Variants in UBE3C observed in about 807,000 individuals in gnomAD.
UBE3C encodes ubiquitin-protein ligase E3C.
In UBE3C, 42 loss-of-function variants were observed where a neutral mutation model predicts 129.4. The ratio of observed to expected loss-of-function variants is 0.32; its 90% CI spans 0.25 to 0.42. The LOEUF (loss-of-function observed/expected upper bound fraction) is 0.42. Ranked by LOEUF, UBE3C falls within the 10% of genes least tolerant of loss-of-function variation. The probability of loss-of-function intolerance (pLI) is 1.00; values close to 1 mark genes in which losing one functional copy is unlikely to be tolerated. For synonymous variants in UBE3C, 510 were observed against 492.4 expected (o/e 1.04, Z -0.47); for missense variants, 1,049 against 1,319.1 (o/e 0.80, Z 3.17).
At chr7:157,165,357 G>C (rs116190766) in intron 2 of UBE3C, among the ~76,000 whole-genome samples, 3,442 of 148,854 alleles carry the variant, frequency 0.023, 128 homozygotes, top group African/African-American at 0.081. Flanking sequence ...ATTTTCACCT[G>C]ACCTAATTTC....
At chr7:157,259,406 T>C (rs1181937053) in intron 22 of UBE3C, among the ~76,000 whole-genome samples, 1 of 152,182 alleles carries the variant, frequency 6.6e-6, no homozygotes, top group Non-Finnish European at 1.5e-5. Context: ...AGCCCCACCG[T>C]TGGGAGTGTA....
chr7:157,178,640 T>G (rs746320697), intron 5 of UBE3C, 50 bp from the exon 6 acceptor site: 7 of 1,573,198 alleles, frequency 4.4e-6, no homozygotes, highest in Non-Finnish European at 6.1e-6. Context: ...GGGAAACTGG[T>G]GACATTTTGC....
intron 10 of UBE3C, among the ~76,000 whole-genome samples, chr7:157,195,688 T>A (rs1809099443): frequency 6.6e-6 from 1 of 152,210 alleles, no homozygotes; most frequent in South Asian, 2.1e-4. Flanking sequence ...CACACCCAGA[T>A]CCTCTCCCAA....
intron 13 of UBE3C, 137 bp from the exon 14 acceptor site, chr7:157,216,730 G>A (rs1189698129): frequency 3.0e-6 from 2 of 667,558 alleles, no homozygotes; most frequent in African/African-American, 3.7e-5. Context: ...GCCCTTTTCT[G>A]TGAGCGGGTT....
At chr7:157,171,686 ATTTTTTTTT>A (rs77471740) in intron 4 of UBE3C, among the ~76,000 whole-genome samples, 711 of 37,434 alleles carry the variant, frequency 0.019, 8 homozygotes, top group Non-Finnish European at 0.029. Context: ...ATATATATAT[ATTTTTTTTT>A]TTTTTTTTTT....
intron 2 of UBE3C, chr7:157,164,630 G>T (rs1040650684): frequency 1.1e-5 from 4 of 353,700 alleles, no homozygotes; most frequent in East Asian, 1.5e-4. Flanking sequence ...ATCAGCAATT[G>T]TACTATCTTA....
intron 18 of UBE3C, among the ~76,000 whole-genome samples, chr7:157,236,630 A>G (rs1403173840): frequency 1.3e-5 from 2 of 152,208 alleles, no homozygotes; most frequent in Non-Finnish European, 2.9e-5. Context: ...CTGAGGCTTT[A>G]AACATCTAAA....
chr7:157,204,320 G>A (rs1427461471), intron 11 of UBE3C, among the ~76,000 whole-genome samples: 5 of 149,506 alleles, frequency 3.3e-5, no homozygotes, highest in Non-Finnish European at 5.9e-5. Context: ...TCAGGGGAGC[G>A]TGTTAAAATG....
intron 19 of UBE3C, 59 bp downstream of exon 19, chr7:157,248,639 G>A (rs1296051556): frequency 6.4e-6 from 10 of 1,551,370 alleles, no homozygotes; most frequent in African/African-American, 2.7e-5. Context: ...ATCTCCTTGT[G>A]TGTGGAAGTC....
rs187527729 is a variant in UBE3C, at chr7:157,218,804, C to A, written c.1914+1833C>A. Among the ~76,000 whole-genome samples the A allele has an allele frequency of 2.8e-3, 425 of 152,256 alleles. 1 individual carries two copies. The highest frequency in any genetic ancestry group is 5.9e-3 in the Admixed American group (91 of 15,296). On this transcript the variant is annotated intron_variant, in intron 14 of 22. Coordinates refer to ENST00000348165, the MANE Select transcript of UBE3C (RefSeq NM_014671.3). ...CTGGGAGACAGGGTTAGGAGCCTGT[C>A]TCTAGCTGGTCATGGGCAGAAACTT... is the stretch of plus-strand genomic sequence containing the variant.
chr7:157,246,970 A>G (rs1314894941), intron 18 of UBE3C, among the ~76,000 whole-genome samples: 1 of 152,192 alleles, frequency 6.6e-6, no homozygotes, highest in Non-Finnish European at 1.5e-5. Context: ...GGCTCACTGC[A>G]ACCTCCACCT....
At chr7:157,172,991 C>T (rs942377920) in intron 4 of UBE3C, among the ~76,000 whole-genome samples, 2 of 152,176 alleles carry the variant, frequency 1.3e-5, no homozygotes, top group East Asian at 3.8e-4. Flanking sequence ...GACTTTCGGC[C>T]TCGAGCAAAT....
At chr7:157,183,097 G>A (rs933523991) in intron 8 of UBE3C, among the ~76,000 whole-genome samples, 1 of 152,150 alleles carries the variant, frequency 6.6e-6, no homozygotes, top group Non-Finnish European at 1.5e-5. Flanking sequence ...TCTGTGAGCA[G>A]AAATGTGGGG....
At chr7:157,245,418 C>T (rs1401057266) in intron 18 of UBE3C, among the ~76,000 whole-genome samples, 1 of 152,206 alleles carries the variant, frequency 6.6e-6, no homozygotes, top group African/African-American at 2.4e-5. Flanking sequence ...TTCCCCTTGG[C>T]TTTGAACTCG....
intron 9 of UBE3C, among the ~76,000 whole-genome samples, chr7:157,184,799 G>A (rs543886568): frequency 1.2e-4 from 19 of 152,180 alleles, no homozygotes; most frequent in Non-Finnish European, 2.2e-4. Flanking sequence ...TCGAATGAAA[G>A]AGATCACAGC....
intron 9 of UBE3C, among the ~76,000 whole-genome samples, chr7:157,184,717 AT>A (rs907424802): frequency 2.5e-4 from 38 of 152,304 alleles, no homozygotes; most frequent in African/African-American, 8.4e-4. Context: ...GGTGAAGTAA[AT>A]TTTTAGAATA....
chr7:157,175,137 C>CCTTTTT (rs1301124616), intron 5 of UBE3C, 103 bp downstream of exon 5: 7 of 252,754 alleles, frequency 2.8e-5, no homozygotes, highest in African/African-American at 2.5e-4. Flanking sequence ...CTTTTCCATA[C>CCTTTTT]TTTTTTTTTT....
chr7:157,180,167 G>A (rs533146718), intron 6 of UBE3C, among the ~76,000 whole-genome samples: 2 of 152,248 alleles, frequency 1.3e-5, no homozygotes, highest in East Asian at 1.9e-4. Context: ...TCTAACAGTC[G>A]ATAAAATTTT....
intron 10 of UBE3C, among the ~76,000 whole-genome samples, chr7:157,191,807 C>T (rs921114752): frequency 1.4e-4 from 21 of 151,856 alleles, no homozygotes; most frequent in African/African-American, 5.1e-4. Flanking sequence ...ATATATATAC[C>T]GTCCATGTGT....
Sources: gnomAD v4.1 joint callset for allele counts (sites outside exome capture counted in the v4.1 genomes callset) on GRCh38, gnomAD v4.1.1 for gene constraint, MANE v1.5 for transcripts, NCBI Gene and HGNC (gene_info 2026-07-23, HGNC 2026-07-21) for gene names.